Variants in PTPRD observed in about 807,000 individuals in gnomAD.
The protein encoded by PTPRD is protein tyrosine phosphatase receptor type D.
In PTPRD, 34 loss-of-function variants were observed where a neutral mutation model predicts 214.5. The observed-to-expected ratio is 0.16, with a 90% confidence interval of 0.12 to 0.21. The LOEUF (loss-of-function observed/expected upper bound fraction) is 0.21. Ranked by LOEUF, PTPRD falls within the 10% of genes least tolerant of loss-of-function variation. The probability of loss-of-function intolerance (pLI) is 1.00; values close to 1 mark genes in which losing one functional copy is unlikely to be tolerated. For synonymous variants in PTPRD, 1,128 were observed against 845.7 expected (o/e 1.33, Z -5.79); for missense variants, 2,545 against 2,398.7 (o/e 1.06, Z -1.27).
chr9:9,304,706 T>C (rs908538901), intron 9 of PTPRD, among the ~76,000 whole-genome samples: 1 of 151,100 alleles, frequency 6.6e-6, no homozygotes, highest in Non-Finnish European at 1.5e-5. Context: ...TATAATACTA[T>C]ATAATCTCTA....
intron 2 of PTPRD, among the ~76,000 whole-genome samples, chr9:10,353,861 A>G (rs1369238590): frequency 6.6e-6 from 1 of 151,990 alleles, no homozygotes; most frequent in Non-Finnish European, 1.5e-5. Context: ...AACTACCACA[A>G]AACACAACCA....
intron 10 of PTPRD, among the ~76,000 whole-genome samples, chr9:9,054,082 C>G (rs1391593105): frequency 6.6e-6 from 1 of 152,126 alleles, no homozygotes; most frequent in African/African-American, 2.4e-5. Flanking sequence ...GTATTGAGCT[C>G]CTGGTCCATG....
At chr9:10,151,981 A>G (rs1002049532) in intron 3 of PTPRD, among the ~76,000 whole-genome samples, 1 of 152,206 alleles carries the variant, frequency 6.6e-6, no homozygotes, top group African/African-American at 2.4e-5. Flanking sequence ...TGGGGCAAGT[A>G]TGATTGAAGC....
intron 12 of PTPRD, among the ~76,000 whole-genome samples, chr9:8,642,745 C>A (rs576797327): frequency 6.6e-6 from 1 of 152,148 alleles, no homozygotes; most frequent in Non-Finnish European, 1.5e-5. Flanking sequence ...CCAGCCACAG[C>A]ACATCCTATT....
intron 12 of PTPRD, among the ~76,000 whole-genome samples, chr9:8,708,746 T>C (rs2098264664): frequency 6.7e-6 from 1 of 148,354 alleles, no homozygotes; most frequent in Non-Finnish European, 1.5e-5. Flanking sequence ...ACTAGGTCTA[T>C]ATATTCAAAG....
chr9:10,050,125 A>C (rs1462523884), intron 3 of PTPRD, among the ~76,000 whole-genome samples: 3 of 152,120 alleles, frequency 2.0e-5, no homozygotes, highest in African/African-American at 7.2e-5. Context: ...TGGGAATTAG[A>C]GAAGATTGTG....
chr9:10,257,734 A>G (rs959110615), intron 3 of PTPRD, among the ~76,000 whole-genome samples: 1 of 152,200 alleles, frequency 6.6e-6, no homozygotes, highest in African/African-American at 2.4e-5. Context: ...ATGCATGGGC[A>G]TAGACCAACG....
intron 5 of PTPRD, among the ~76,000 whole-genome samples, chr9:9,797,942 AAAGT>A (rs1390200864): frequency 6.6e-5 from 10 of 152,314 alleles, no homozygotes; most frequent in African/African-American, 2.4e-4. Context: ...AGGTGAAATA[AAAGT>A]AAGTTAAAGA....
chr9:9,523,285 C>A (rs1376575066), intron 8 of PTPRD, among the ~76,000 whole-genome samples: 1 of 152,032 alleles, frequency 6.6e-6, no homozygotes, highest in East Asian at 1.9e-4. Context: ...TGACTGATAT[C>A]TTCCTGTACA....
intron 8 of PTPRD, among the ~76,000 whole-genome samples, chr9:9,499,141 T>C (rs1465805278): frequency 6.6e-6 from 1 of 152,118 alleles, no homozygotes; most frequent in Admixed American, 6.6e-5. Flanking sequence ...AAAAATCCTA[T>C]TGTTTCTCTT....
At chr9:9,092,874 T>G (rs2099778249) in intron 10 of PTPRD, among the ~76,000 whole-genome samples, 2 of 151,978 alleles carry the variant, frequency 1.3e-5, no homozygotes, top group African/African-American at 4.8e-5. Flanking sequence ...ACACACAAAT[T>G]AAAATACAGA....
chr9:8,903,747 CCTTTAAA>C lies in PTPRD; in HGVS notation c.-104+114943_-104+114949del, dbSNP rs1321820903. On this transcript the variant is annotated intron_variant, in intron 11 of 45. Coordinates refer to ENST00000381196, the MANE Select transcript of PTPRD (RefSeq NM_002839.4). ...ACTAACAAACTGTTCTGATTCTCTACCTTTAAAAAATTATGGGAAATTTGATTACTAT... is the reference window on the plus strand; with the variant it reads ...ACTAACAAACTGTTCTGATTCTCTACAAATTATGGGAAATTTGATTACTAT... Among the ~76,000 whole-genome samples the C allele has an allele frequency of 9.0e-3, 1,362 of 151,086 alleles. 25 individuals are homozygous for C. Among genetic ancestry groups the C allele is most frequent in the African/African-American group, 0.031 (1,263 of 40,490 alleles).
At chr9:9,148,627 C>T (rs2099872672) in intron 10 of PTPRD, among the ~76,000 whole-genome samples, 1 of 151,996 alleles carries the variant, frequency 6.6e-6, no homozygotes, top group South Asian at 2.1e-4. Context: ...TGAAAGGAGG[C>T]ATAAAAACTA....
At chr9:9,895,245 T>C (rs1416569385) in intron 5 of PTPRD, among the ~76,000 whole-genome samples, 4 of 151,944 alleles carry the variant, frequency 2.6e-5, no homozygotes, top group Admixed American at 6.6e-5. Context: ...ATTCTGTTTG[T>C]TACCAGTAAG....
intron 3 of PTPRD, among the ~76,000 whole-genome samples, chr9:10,071,002 T>C (rs902883033): frequency 2.0e-5 from 3 of 152,034 alleles, no homozygotes; most frequent in African/African-American, 7.2e-5. Context: ...GAATTTCAAA[T>C]GTAAGAAAAG....
rs1030846710 is a variant in PTPRD at position 8,866,775 on chromosome 9, CA to C, written c.-103-132830del. On this transcript the variant is annotated intron_variant, in intron 11 of 45. Coordinates refer to ENST00000381196, the MANE Select transcript of PTPRD (RefSeq NM_002839.4). ...ATCTATCCGTTAAGAATCATCTCATCAAGTCAGTTTTTTTTTCCTGATTCCT... is the reference window on the plus strand; with the variant it reads ...ATCTATCCGTTAAGAATCATCTCATCAGTCAGTTTTTTTTTCCTGATTCCT... Among the ~76,000 whole-genome samples the C allele has an allele frequency of 3.7e-3, 199 of 54,382 alleles. 1 individual carries two copies. Among genetic ancestry groups the C allele is most frequent in the African/African-American group, 0.013 (184 of 13,770 alleles). The allele number at this position is 54,382 out of a possible 152,430, so 35.7% of individuals were successfully genotyped here. A position where few individuals can be genotyped will look rare whatever the true frequency, so the allele number is the denominator to read the frequency against.
chr9:9,942,595 T>A (rs1012799849), intron 4 of PTPRD, among the ~76,000 whole-genome samples: 3 of 152,122 alleles, frequency 2.0e-5, no homozygotes, highest in African/African-American at 7.2e-5. Context: ...TCAAACTAAT[T>A]TGTGCTTCTA....
At chr9:9,447,370 G>A (rs1012061132) in intron 8 of PTPRD, among the ~76,000 whole-genome samples, 9 of 152,112 alleles carry the variant, frequency 5.9e-5, no homozygotes, top group African/African-American at 2.2e-4. Context: ...GCAGGCTCAT[G>A]GATGGAGCTG....
chr9:9,552,334 C>A (rs1448095494), intron 8 of PTPRD, among the ~76,000 whole-genome samples: 1 of 151,798 alleles, frequency 6.6e-6, no homozygotes, highest in Non-Finnish European at 1.5e-5. Flanking sequence ...TGGATAATTT[C>A]GCAGTCAATT....
Sources: allele counts gnomAD v4.1 joint callset (sites outside exome capture counted in the v4.1 genomes callset), GRCh38; gene constraint gnomAD v4.1.1; transcripts MANE v1.5; gene names NCBI Gene and HGNC (gene_info 2026-07-23, HGNC 2026-07-21).